Variants in SLC6A11 observed in about 807,000 individuals in gnomAD.
The protein encoded by SLC6A11 is sodium- and chloride-dependent GABA transporter 3.
Under a neutral mutation model 74.8 loss-of-function variants are expected in SLC6A11, and 25 were observed. The observed-to-expected ratio is 0.33, with a 90% CI of 0.24 to 0.47. The LOEUF (loss-of-function observed/expected upper bound fraction) is 0.47. SLC6A11 is among the 20% of genes least tolerant of loss of function. SLC6A11 has a pLI of 1.00. For synonymous variants in SLC6A11, 330 were observed against 330.2 expected (o/e 1.00, Z 0.01); for missense variants, 574 against 837.0 (o/e 0.69, Z 3.88).
intron 6 of SLC6A11, among the ~76,000 whole-genome samples, chr3:10,893,700 A>G (rs1019614807): frequency 2.0e-5 from 3 of 152,030 alleles, no homozygotes; most frequent in Admixed American, 6.5e-5. Flanking sequence ...GGACGAGAGT[A>G]TTCCTTCTGC....
At chr3:10,903,895 C>G (rs1249008415) in intron 6 of SLC6A11, among the ~76,000 whole-genome samples, 2 of 152,190 alleles carry the variant, frequency 1.3e-5, no homozygotes, top group Non-Finnish European at 2.9e-5. Flanking sequence ...ATAAGTCACT[C>G]CAAGAGGTAG....
rs547015141 is a variant in SLC6A11, at chr3:10,835,698, A to G, written c.624-8516A>G. On this transcript the variant is annotated intron_variant, in intron 4 of 13. Coordinates refer to ENST00000254488, the MANE Select transcript of SLC6A11 (RefSeq NM_014229.3). The stretch of plus-strand genomic sequence containing the variant: ...CCTACCGGTTTTGTGATCTCGGACA[A>G]GGTAGCTATTTCTGTGGAGCCTGAG... 9.8e-5 allele frequency among the ~76,000 whole-genome samples: 15 copies of G among 152,304 alleles called. No individual in the cohort carries two copies. The East Asian group carries it at 1.4e-3, about 14-fold the overall frequency.
At chr3:10,895,934 G>T (rs74427960) in intron 6 of SLC6A11, among the ~76,000 whole-genome samples, 5,951 of 152,346 alleles carry the variant, frequency 0.039, 167 homozygotes, top group Middle Eastern at 0.078. Flanking sequence ...ATGCTCATGT[G>T]GGCAGCTTTT....
chr3:10,915,038 A>G lies in SLC6A11; in HGVS notation c.995+2845A>G, dbSNP rs1695437596. Among the ~76,000 whole-genome samples, 1 of 152,150 alleles carries G rather than the reference A, an allele frequency of 6.6e-6. No individual in the cohort carries two copies. The highest frequency in any genetic ancestry group is 2.4e-5 in the African/African-American group (1 of 41,444). ...AGGGCAGTCAGAAAGAAACCACCCCATTACATAAGCAAGGAGATGGTGGCC... is the reference window on the plus strand; with the variant it reads ...AGGGCAGTCAGAAAGAAACCACCCCGTTACATAAGCAAGGAGATGGTGGCC... On this transcript the variant is annotated intron_variant, in intron 7 of 13. Transcript: ENST00000254488. This position sits in a 1 kb window ranked among gnomAD's most constrained non-coding sequence, Gnocchi z 4.3.
intron 5 of SLC6A11, among the ~76,000 whole-genome samples, chr3:10,872,674 T>C (rs1361407634): frequency 6.6e-6 from 1 of 151,958 alleles, no homozygotes; most frequent in Admixed American, 6.6e-5. Context: ...TACATGAGAG[T>C]GTTTGAGTGA....
At chr3:10,832,222 C>T (rs1334583807) in intron 4 of SLC6A11, among the ~76,000 whole-genome samples, 2 of 152,182 alleles carry the variant, frequency 1.3e-5, no homozygotes, top group Non-Finnish European at 2.9e-5. Flanking sequence ...GCCCTGGTGC[C>T]CTGCAAACCC....
At chr3:10,817,001 G>A (rs1401405037) in intron 1 of SLC6A11, among the ~76,000 whole-genome samples, 1 of 152,202 alleles carries the variant, frequency 6.6e-6, no homozygotes. Flanking sequence ...GTAGGCAGGG[G>A]TCTACCCATT....
Position 10,934,066 on chromosome 3 carries a change from G to A in SLC6A11, c.1475G>A (p.Gly492Glu), listed in dbSNP as rs543528698. Reference protein sequence around the residue: ...FECICIGWVYGSNRFYDNIED... With the variant: ...FECICIGWVYESNRFYDNIED... ...TTCCCCTCTGATTTATTCCGGACAG[G>A]AAGCAACCGGTTCTATGATAACATT... The change falls in exon 12 of 14, where the codon GGA becomes GAA. Residue 492 changes from glycine (G) to glutamate (E), a missense_variant and splice_region_variant. Gly to Glu is a moderately conservative substitution (Grantham distance 98). Around this residue, in one of 4 missense-constraint regions of SLC6A11, gnomAD observed 257 missense variants for 341.5 expected, o/e 0.75. Coordinates refer to ENST00000254488, the MANE Select transcript of SLC6A11 (RefSeq NM_014229.3). 1 of 1,611,500 alleles carries A rather than the reference G, an allele frequency of 6.2e-7. No homozygotes were observed. Among genetic ancestry groups the A allele is most frequent in the South Asian group, 1.1e-5 (1 of 91,002 alleles).
intron 3 of SLC6A11, among the ~76,000 whole-genome samples, chr3:10,823,057 G>A (rs890341905): frequency 1.3e-5 from 2 of 152,172 alleles, no homozygotes; most frequent in Admixed American, 6.5e-5. Context: ...CAGTTTGATA[G>A]GGAGTGTTGG....
At chr3:10,871,993 A>G (rs1361378925) in intron 5 of SLC6A11, among the ~76,000 whole-genome samples, 22 of 152,218 alleles carry the variant, frequency 1.4e-4, no homozygotes, top group Non-Finnish European at 3.1e-4. Flanking sequence ...CTAATTTCCT[A>G]TTTTTGAGGA....
Position 10,911,960 on chromosome 3 carries a change from G to A in SLC6A11, c.892-130G>A, listed in dbSNP as rs73812334. The A allele has an allele frequency of 4.3e-3, 2,997 of 702,352 alleles. 54 individuals carry two copies. The African/African-American group carries it at 0.045, about 11-fold the overall frequency. The allele number at this position is 702,352 out of a possible 1,614,324, so 43.5% of individuals were successfully genotyped here. On this transcript the variant is annotated intron_variant, in intron 6 of 13. Coordinates refer to ENST00000254488, the MANE Select transcript of SLC6A11 (RefSeq NM_014229.3). Reference sequence around the variant, plus strand: ...TTAAAGGGGGTCCTGGGTAGGTTAGGAAGTTTAATTATCCCTTATGGAGTT... The same window carrying A: ...TTAAAGGGGGTCCTGGGTAGGTTAGAAAGTTTAATTATCCCTTATGGAGTT...
chr3:10,875,531 T>G (rs1012842800), intron 6 of SLC6A11, among the ~76,000 whole-genome samples: 1 of 152,112 alleles, frequency 6.6e-6, no homozygotes, highest in African/African-American at 2.4e-5. Context: ...AGAAGTTAAT[T>G]AAAAATTAAA....
chr3:10,874,946 T>C lies in SLC6A11; in HGVS notation c.757-15T>C. ...TCACCCCCTTCTTGATTCTGTCCTCTCCTCTTGTGCACAGGTTGTATACGT... is the reference window on the plus strand; with the variant it reads ...TCACCCCCTTCTTGATTCTGTCCTCCCCTCTTGTGCACAGGTTGTATACGT... On this transcript the variant is annotated splice_polypyrimidine_tract_variant and intron_variant, in intron 5 of 13. Coordinates refer to ENST00000254488, the MANE Select transcript of SLC6A11 (RefSeq NM_014229.3). 1.3e-6 allele frequency: 2 copies of C among 1,595,772 alleles called. No homozygotes were observed. The highest frequency in any genetic ancestry group is 8.6e-7 in the Non-Finnish European group (1 of 1,168,008).
At position 10,816,409 on chromosome 3, in the gene SLC6A11, C is replaced by A; in HGVS notation, c.144C>A (p.His48Gln). 1 of 1,591,884 alleles carries A rather than the reference C, an allele frequency of 6.3e-7. No homozygotes were observed. The highest frequency in any genetic ancestry group is 8.5e-7 in the Non-Finnish European group (1 of 1,170,038). Residue 48 changes from histidine (H) to glutamine (Q), a missense_variant, in exon 1 of 14, where the codon CAC becomes CAA. His to Gln is a conservative substitution (Grantham distance 24, BLOSUM62 0). This residue lies in a region of SLC6A11 where 86 missense variants were observed against 87.4 expected (regional missense o/e 0.98). Coordinates refer to ENST00000254488, the MANE Select transcript of SLC6A11 (RefSeq NM_014229.3). This position sits in a 1 kb window ranked among gnomAD's most constrained non-coding sequence, Gnocchi z 4.2. ...GCGTCAAGCGCGACAAGGCGGTCCA[C>A]GAGCGCGGCCACTGGAACAACAAGG... is the stretch of plus-strand genomic sequence containing the variant. ...HPRVKRDKAV[H>Q]ERGHWNNKVE...
At chr3:10,832,976 C>G (rs910795232) in intron 4 of SLC6A11, among the ~76,000 whole-genome samples, 6 of 152,202 alleles carry the variant, frequency 3.9e-5, no homozygotes, top group Non-Finnish European at 8.8e-5. Flanking sequence ...TTGTCCCCAG[C>G]CAGACCCACC....
At chr3:10,922,193 G>A (rs1695545244) in intron 8 of SLC6A11, among the ~76,000 whole-genome samples, 1 of 152,098 alleles carries the variant, frequency 6.6e-6, no homozygotes, top group South Asian at 2.1e-4. Context: ...AGTGGACATG[G>A]AACATTCACC....
intron 5 of SLC6A11, among the ~76,000 whole-genome samples, chr3:10,845,119 G>A (rs1288764117): frequency 1.3e-5 from 2 of 152,190 alleles, no homozygotes; most frequent in South Asian, 2.1e-4. Flanking sequence ...TTCAAAAGGC[G>A]GAGAGGGGAA....
chr3:10,880,229 T>C (rs1694959086), intron 6 of SLC6A11, among the ~76,000 whole-genome samples: 1 of 152,214 alleles, frequency 6.6e-6, no homozygotes, highest in Admixed American at 6.5e-5. Context: ...AAAGTTTCCA[T>C]CTTGTATCTC....
chr3:10,915,762 TTCTGTCTCTCCA>T lies in SLC6A11; in HGVS notation c.996-2565_996-2554del, dbSNP rs775900230. Among the ~76,000 whole-genome samples the T allele has an allele frequency of 6.6e-6, 1 of 152,138 alleles. No homozygotes were observed. Among genetic ancestry groups the T allele is most frequent in the Non-Finnish European group, 1.5e-5 (1 of 68,018 alleles). ...CCCTAAAGAGCTTCTCTGTCTCTCCTTCTGTCTCTCCATAATGTGAGGAAGTCACTCAACAGA... is the reference window on the plus strand; with the variant it reads ...CCCTAAAGAGCTTCTCTGTCTCTCCTTAATGTGAGGAAGTCACTCAACAGA... On this transcript the variant is annotated intron_variant, in intron 7 of 13. Coordinates refer to ENST00000254488, the MANE Select transcript of SLC6A11 (RefSeq NM_014229.3). This position sits in a 1 kb window ranked among gnomAD's most constrained non-coding sequence, Gnocchi z 4.3.
Sources: allele counts gnomAD v4.1 joint callset (sites outside exome capture counted in the v4.1 genomes callset), GRCh38; gene constraint gnomAD v4.1.1; regional missense constraint gnomAD v4.1.1; non-coding constraint Gnocchi (gnomAD v3.1); transcripts MANE v1.5; gene names NCBI Gene and HGNC (gene_info 2026-07-23, HGNC 2026-07-21).